MARCHF10: variants seen among roughly 807,000 people sequenced by gnomAD.
MARCHF10 encodes probable E3 ubiquitin-protein ligase MARCHF10.
In MARCHF10, 64 loss-of-function variants were observed where a neutral mutation model predicts 76.2. The observed-to-expected ratio is 0.84, with a 90% CI of 0.69 to 1.03. The LOEUF (loss-of-function observed/expected upper bound fraction) is 1.03. MARCHF10 is among the 50% of genes least tolerant of loss of function. The probability of loss-of-function intolerance (pLI) is 0.00; values close to 1 mark genes in which losing one functional copy is unlikely to be tolerated. For missense variants in MARCHF10, 875 were observed against 958.0 expected (o/e 0.91, Z 1.14); for synonymous variants, 340 against 357.5 (o/e 0.95, Z 0.55).
At chr17:62,723,610 A>C (rs2090609196) in intron 7 of MARCHF10, among the ~76,000 whole-genome samples, 2 of 127,342 alleles carry the variant, frequency 1.6e-5, no homozygotes, top group South Asian at 5.2e-4. Context: ...AGGCTACCAA[A>C]TGTCCCATGA....
intron 2 of MARCHF10, among the ~76,000 whole-genome samples, chr17:62,793,284 C>T (rs1468607366): frequency 1.8e-4 from 24 of 134,608 alleles, no homozygotes; most frequent in African/African-American, 6.3e-4. Flanking sequence ...ACAACCATCA[C>T]CACCCACCAC....
chr17:62,716,203 C>T (rs1487448657), intron 8 of MARCHF10, among the ~76,000 whole-genome samples: 2 of 152,220 alleles, frequency 1.3e-5, no homozygotes, highest in Non-Finnish European at 2.9e-5. Flanking sequence ...CTTCAGTCTT[C>T]GCTGCTGGTC....
At chr17:62,760,531 T>C (rs1006706725) in intron 3 of MARCHF10, among the ~76,000 whole-genome samples, 6 of 152,178 alleles carry the variant, frequency 3.9e-5, no homozygotes, top group African/African-American at 1.4e-4. Flanking sequence ...AGTCCCCTCC[T>C]TGTCACTCTT....
chr17:62,732,034 G>A (rs1218033769), intron 6 of MARCHF10, among the ~76,000 whole-genome samples: 4 of 152,096 alleles, frequency 2.6e-5, no homozygotes, highest in Non-Finnish European at 5.9e-5. Context: ...TTAAAATACT[G>A]TTTCAATAGC....
chr17:62,752,572 C>T (rs548391173), intron 4 of MARCHF10, among the ~76,000 whole-genome samples: 2 of 152,106 alleles, frequency 1.3e-5, no homozygotes, highest in African/African-American at 4.8e-5. Flanking sequence ...TCCAAGTCAC[C>T]AAGTTCTGCC....
In MARCHF10 at chr17:62,711,370, A is replaced by T; in HGVS notation, c.2215-26T>A. 6.2e-7 allele frequency: 1 copy of T among 1,600,886 alleles called. No homozygotes were observed. The highest frequency in any genetic ancestry group is 8.6e-7 in the Non-Finnish European group (1 of 1,168,042). On this transcript the variant is annotated intron_variant, in intron 8 of 10. Transcript: ENST00000311269. This position sits in a 1 kb window ranked among gnomAD's most constrained non-coding sequence, Gnocchi z 4.4. Reference sequence around the variant, plus strand: ...CTACAAATGGAAAAGAAAGCTCTTCAGTTCATCTGTAAAATAGTCATGGTC... The same window carrying T: ...CTACAAATGGAAAAGAAAGCTCTTCTGTTCATCTGTAAAATAGTCATGGTC...
At chr17:62,732,989 T>G (rs1599138837) in intron 6 of MARCHF10, among the ~76,000 whole-genome samples, 1 of 81,978 alleles carries the variant, frequency 1.2e-5, no homozygotes, top group African/African-American at 5.1e-5. Flanking sequence ...CAAGACTCAG[T>G]CTCAAAAAAA....
intron 2 of MARCHF10, among the ~76,000 whole-genome samples, chr17:62,790,188 C>A (rs113462156): frequency 6.7e-6 from 1 of 149,416 alleles, no homozygotes; most frequent in Non-Finnish European, 1.5e-5. Flanking sequence ...TTTTTTTTTT[C>A]CCCCCAAGAT....
In MARCHF10 at chr17:62,785,012, T is replaced by C. The variant is rs182266991; in HGVS notation, c.210+3468A>G. 1.2e-4 allele frequency among the ~76,000 whole-genome samples: 18 copies of C among 152,288 alleles called. No individual in the cohort carries two copies. The East Asian group carries it at 2.7e-3, about 23-fold the overall frequency. Reference sequence around the variant, plus strand: ...GCTACCAGTGATTTTCTTCACAGAATTGGAAAAACTCCTTTAAAGTTCATA... The same window carrying C: ...GCTACCAGTGATTTTCTTCACAGAACTGGAAAAACTCCTTTAAAGTTCATA... On this transcript the variant is annotated intron_variant, in intron 3 of 10. Transcript: ENST00000311269.
intron 1 of MARCHF10, among the ~76,000 whole-genome samples, chr17:62,802,068 A>G (rs1298728039): frequency 6.6e-6 from 1 of 152,198 alleles, no homozygotes; most frequent in Non-Finnish European, 1.5e-5. Flanking sequence ...AAAACCTGAG[A>G]GCCTAGCTAA....
Position 62,738,060 on chromosome 17 carries a change from TCACACACACACACACACACACA to T in MARCHF10, c.536-750_536-729del, listed in dbSNP as rs55902229. 7.9e-6 allele frequency: 1 copy of T among 127,310 alleles called. No individual in the cohort carries two copies. Among genetic ancestry groups the T allele is most frequent in the Admixed American group, 8.1e-5 (1 of 12,340 alleles). 7.9% of individuals were successfully genotyped at this position (127,310 alleles called of 1,614,324 possible). A position where few individuals can be genotyped will look rare whatever the true frequency, so the allele number is the denominator to read the frequency against. On this transcript the variant is annotated intron_variant, in intron 5 of 10. Coordinates refer to ENST00000311269, the MANE Select transcript of MARCHF10 (RefSeq NM_152598.4). This position sits in a 1 kb window ranked among gnomAD's most constrained non-coding sequence, Gnocchi z 4.0. ...AACTGTCTCTCTCTGTCTCTCTCTGTCACACACACACACACACACACACACACACACACACACACAACTTAAG... is the reference window on the plus strand; with the variant it reads ...AACTGTCTCTCTCTGTCTCTCTCTGTCACACACACACACACACAACTTAAG...
At chr17:62,723,123 T>C (rs2090573572) in intron 7 of MARCHF10, among the ~76,000 whole-genome samples, 1 of 151,518 alleles carries the variant, frequency 6.6e-6, no homozygotes, top group African/African-American at 2.4e-5. Context: ...CAGGTGTGGG[T>C]ACTAGTTACA....
At chr17:62,793,998 CCAT>C (rs1323433835) in intron 2 of MARCHF10, among the ~76,000 whole-genome samples, 4 of 151,184 alleles carry the variant, frequency 2.6e-5, no homozygotes, top group Non-Finnish European at 5.9e-5. Context: ...ACCACCACCT[CCAT>C]CATGACCACC....
chr17:62,800,476 G>C (rs1264366632), intron 2 of MARCHF10, among the ~76,000 whole-genome samples: 1 of 152,162 alleles, frequency 6.6e-6, no homozygotes, highest in Non-Finnish European at 1.5e-5. Flanking sequence ...GGGTTGGCAC[G>C]TTGTGGGAGG....
intron 7 of MARCHF10, among the ~76,000 whole-genome samples, chr17:62,724,279 C>T (rs959986576): frequency 2.6e-5 from 4 of 151,826 alleles, no homozygotes; most frequent in African/African-American, 9.7e-5. Flanking sequence ...TACAGCCGAC[C>T]TACCGATGTG....
chr17:62,726,731 C>T (rs944293738), intron 6 of MARCHF10, among the ~76,000 whole-genome samples: 2 of 152,166 alleles, frequency 1.3e-5, no homozygotes, highest in Non-Finnish European at 2.9e-5. Context: ...CGGATTCAAG[C>T]GATTCTCCTG....
At chr17:62,758,175 C>T (rs1333085764) in intron 4 of MARCHF10, among the ~76,000 whole-genome samples, 3 of 152,070 alleles carry the variant, frequency 2.0e-5, no homozygotes, top group Admixed American at 6.6e-5. Flanking sequence ...CAGAGGCAGG[C>T]GGATCCTTGA....
intron 3 of MARCHF10, among the ~76,000 whole-genome samples, chr17:62,771,608 A>C: frequency 7.7e-6 from 1 of 129,622 alleles, no homozygotes; most frequent in Admixed American, 9.2e-5. Flanking sequence ...ACAGAGTCTC[A>C]CTCTGTTGCC....
intron 9 of MARCHF10, among the ~76,000 whole-genome samples, chr17:62,709,729 T>C (rs934335603): frequency 1.3e-5 from 2 of 152,190 alleles, no homozygotes; most frequent in Non-Finnish European, 2.9e-5. Flanking sequence ...CCAGTTGGTT[T>C]CCTACTTTCA....
Sources: allele counts gnomAD v4.1 joint callset (sites outside exome capture counted in the v4.1 genomes callset), GRCh38; gene constraint gnomAD v4.1.1; non-coding constraint Gnocchi (gnomAD v3.1); transcripts MANE v1.5; gene names NCBI Gene and HGNC (gene_info 2026-07-23, HGNC 2026-07-21).